GRIP1: variants seen among roughly 807,000 people sequenced by gnomAD.
GRIP1 encodes the protein glutamate receptor interacting protein 1.
GRIP1 carries 45 observed loss-of-function variants against 129.9 expected under a neutral mutation model. That is an observed-to-expected ratio of 0.35 (90% CI 0.27 to 0.44). GRIP1 has a LOEUF of 0.44. Among genes scored for constraint, GRIP1 ranks in the 20% least tolerant of loss-of-function variants. The pLI is 1.00. For missense variants in GRIP1, 1,196 were observed against 1,396.8 expected (o/e 0.86, Z 2.29); for synonymous variants, 530 against 520.8 (o/e 1.02, Z -0.24).
At chr12:66,896,264 T>C (rs2040745200) in intron 1 of GRIP1, among the ~76,000 whole-genome samples, 2 of 152,102 alleles carry the variant, frequency 1.3e-5, no homozygotes, top group African/African-American at 4.8e-5. Context: ...ATGGAACTGC[T>C]AACTGATCCC....
chr12:66,422,120 A>C (rs1168413633), intron 14 of GRIP1, among the ~76,000 whole-genome samples: 1 of 152,174 alleles, frequency 6.6e-6, no homozygotes, highest in East Asian at 1.9e-4. Context: ...TCATAGAGCC[A>C]TATCATATCC....
intron 19 of GRIP1, among the ~76,000 whole-genome samples, chr12:66,390,457 G>A (rs1023976910): frequency 6.6e-6 from 1 of 152,068 alleles, no homozygotes; most frequent in Non-Finnish European, 1.5e-5. Context: ...AATTATAAAT[G>A]CAAAATGTAA....
intron 1 of GRIP1, among the ~76,000 whole-genome samples, chr12:66,905,338 T>C (rs1224549895): frequency 6.6e-6 from 1 of 152,166 alleles, no homozygotes; most frequent in Non-Finnish European, 1.5e-5. Flanking sequence ...ATGTTTGTGT[T>C]TGTGAGGTGT....
chr12:66,655,606 CTTTTTTT>C (rs1173143521), intron 1 of GRIP1, among the ~76,000 whole-genome samples: 1 of 118,044 alleles, frequency 8.5e-6, no homozygotes, highest in Non-Finnish European at 1.8e-5. Context: ...TTTTTTTGTA[CTTTTTTT>C]TTTTTTTTTT....
intron 1 of GRIP1, among the ~76,000 whole-genome samples, chr12:66,829,058 T>C (rs2039469862): frequency 6.6e-6 from 1 of 152,184 alleles, no homozygotes; most frequent in African/African-American, 2.4e-5. Flanking sequence ...CCAGAACCCG[T>C]AAATATTATC....
At chr12:66,448,035 T>C (rs1188933525) in intron 11 of GRIP1, among the ~76,000 whole-genome samples, 1 of 152,200 alleles carries the variant, frequency 6.6e-6, no homozygotes, top group African/African-American at 2.4e-5. Flanking sequence ...CCAAGTCTTT[T>C]CTACTCTCAT....
chr12:66,997,651 T>TCACAA (rs2042489037), intron 1 of GRIP1, among the ~76,000 whole-genome samples: 1 of 152,178 alleles, frequency 6.6e-6, no homozygotes, highest in Non-Finnish European at 1.5e-5. Flanking sequence ...CTCCTGGCTA[T>TCACAA]GAATAATGGA....
At position 66,571,482 on chromosome 12, in the gene GRIP1, G is replaced by GT. The variant is rs199664891; in HGVS notation, c.136+25364dup. 4.8e-3 allele frequency among the ~76,000 whole-genome samples: 721 copies of GT among 149,444 alleles called. 4 individuals carry two copies. Among genetic ancestry groups the GT allele is most frequent in the Admixed American group, 6.9e-3 (104 of 14,980 alleles). On this transcript the variant is annotated intron_variant, in intron 2 of 24. Coordinates refer to ENST00000359742, the MANE Select transcript of GRIP1 (RefSeq NM_001366722.1). ...CTGAAAATGTATTACTACTGCCTTT[G>GT]TTTTTTTTTCATTGCATATTTTCCT...
chr12:66,660,207 T>C (rs1362503867), intron 1 of GRIP1, among the ~76,000 whole-genome samples: 1 of 152,196 alleles, frequency 6.6e-6, no homozygotes, highest in East Asian at 1.9e-4. Context: ...CAAACCTTAG[T>C]TTGGCTATTA....
At chr12:67,017,807 C>T (rs962388720) in intron 1 of GRIP1, among the ~76,000 whole-genome samples, 7 of 152,330 alleles carry the variant, frequency 4.6e-5, no homozygotes, top group African/African-American at 1.4e-4. Flanking sequence ...GCCAGCCCCA[C>T]TGGGGTGCCC....
At chr12:66,990,723 G>A (rs1018657412) in intron 1 of GRIP1, among the ~76,000 whole-genome samples, 7 of 152,178 alleles carry the variant, frequency 4.6e-5, no homozygotes, top group South Asian at 4.1e-4. Flanking sequence ...GGCAGGGCGC[G>A]GTGGCTCAGG....
At chr12:66,416,334 A>G (rs2057602238) in intron 15 of GRIP1, among the ~76,000 whole-genome samples, 1 of 152,146 alleles carries the variant, frequency 6.6e-6, no homozygotes. Context: ...ATAACCTAAC[A>G]ATGCATCTTA....
At chr12:67,052,445 A>T (rs1490067251) in intron 1 of GRIP1, among the ~76,000 whole-genome samples, 1 of 152,164 alleles carries the variant, frequency 6.6e-6, no homozygotes, top group Non-Finnish European at 1.5e-5. Context: ...CTTGACAGGT[A>T]TTTTTACAGG....
At chr12:66,528,382 C>T (rs1242701526) in intron 5 of GRIP1, among the ~76,000 whole-genome samples, 7 of 152,124 alleles carry the variant, frequency 4.6e-5, no homozygotes, top group African/African-American at 1.7e-4. Context: ...CATTATCTGC[C>T]TGCCTCGGCC....
chr12:66,947,739 T>C (rs1318574898), intron 1 of GRIP1, among the ~76,000 whole-genome samples: 1 of 152,222 alleles, frequency 6.6e-6, no homozygotes, highest in East Asian at 1.9e-4. Flanking sequence ...CAGCATCTTT[T>C]CAATAGTAAA....
At chr12:66,723,263 C>T (rs1277825351) in intron 1 of GRIP1, among the ~76,000 whole-genome samples, 94 of 8,724 alleles carry the variant, frequency 0.011, 7 homozygotes, top group African/African-American at 0.052. Context: ...TTCCTTCCTT[C>T]CTTCCTTCCT....
At position 66,455,578 on chromosome 12, in the gene GRIP1, A is replaced by G. The variant is rs2058934506; in HGVS notation, c.1199-14T>C. On this transcript the variant is annotated splice_polypyrimidine_tract_variant and intron_variant, in intron 10 of 24. Coordinates refer to ENST00000359742, the MANE Select transcript of GRIP1 (RefSeq NM_001366722.1). ...ACACCAAAGCTGCTGCAAGAGAGTG[A>G]AGACGTTGCACAGAGCACTCTCAGG... 1 of 1,612,778 alleles carries G rather than the reference A, an allele frequency of 6.2e-7. No homozygotes were observed. Among genetic ancestry groups the G allele is most frequent in the East Asian group, 2.2e-5 (1 of 44,870 alleles).
intron 1 of GRIP1, among the ~76,000 whole-genome samples, chr12:66,842,666 T>C (rs2039741669): frequency 2.0e-5 from 3 of 152,208 alleles, no homozygotes; most frequent in Admixed American, 1.3e-4. Flanking sequence ...AAATGCCCAA[T>C]GGGACTGATA....
intron 5 of GRIP1, among the ~76,000 whole-genome samples, chr12:66,524,520 T>C (rs2061150281): frequency 6.6e-6 from 1 of 151,844 alleles, no homozygotes; most frequent in African/African-American, 2.4e-5. Context: ...CTGGGACACA[T>C]TCAAAGCAGT....
Sources: gnomAD v4.1 joint callset for allele counts (sites outside exome capture counted in the v4.1 genomes callset) on GRCh38, gnomAD v4.1.1 for gene constraint, MANE v1.5 for transcripts, NCBI Gene and HGNC (gene_info 2026-07-23, HGNC 2026-07-21) for gene names.